Variants in ARNT observed in about 807,000 individuals in gnomAD.
ARNT encodes class E basic helix-loop-helix protein 2.
ARNT carries 30 observed loss-of-function variants against 105.0 expected under a neutral mutation model. The ratio of observed to expected loss-of-function variants is 0.29; its 90% CI spans 0.21 to 0.39. The LOEUF is 0.39. ARNT is among the 10% of genes least tolerant of loss of function. The pLI is 1.00. For missense variants in ARNT, 748 were observed against 978.7 expected, an observed-to-expected ratio of 0.76 and a Z score of 3.15; for synonymous variants, 304 against 344.0, an observed-to-expected ratio of 0.88 and a Z score of 1.29.
At chr1:150,820,468 G>C (rs1656810994) in intron 14 of ARNT, among the ~76,000 whole-genome samples, 1 of 152,098 alleles carries the variant, frequency 6.6e-6, no homozygotes, top group African/African-American at 2.4e-5. Context: ...ACCAGACTCT[G>C]CAACATGGAA....
chr1:150,829,034 T>C, intron 12 of ARNT, 59 bp downstream of exon 12: 2 of 1,587,526 alleles, frequency 1.3e-6, no homozygotes, highest in Non-Finnish European at 8.6e-7. Context: ...ACTACATGAT[T>C]ACATAATGTC....
Position 150,834,577 on chromosome 1 carries a change from A to G in ARNT, c.764T>C (p.Met255Thr). The G allele has an allele frequency of 8.1e-6, 13 of 1,614,072 alleles. No individual in the cohort carries two copies. The highest frequency in any genetic ancestry group is 9.3e-6 in the Non-Finnish European group (11 of 1,179,970). ...AAACGATCTCCTTGAGCCCATACACATTCTCATGGAAGACTGCTGACCTTC... is the reference window on the plus strand; with the variant it reads ...AAACGATCTCCTTGAGCCCATACACGTTCTCATGGAAGACTGCTGACCTTC... ...KKEGQQSSMRMCMGSRRSFIC... is the reference protein window; with the variant it reads ...KKEGQQSSMRTCMGSRRSFIC... Residue 255 changes from methionine to threonine, a missense_variant, in exon 8 of 22, where the codon ATG becomes ACG. By Grantham distance (81) the Met-to-Thr change is moderately conservative. Around this residue, in one of 4 missense-constraint regions of ARNT, gnomAD observed 291 missense variants for 444.6 expected, o/e 0.65. Transcript: ENST00000358595.
At chr1:150,855,519 A>G (rs113265287) in intron 2 of ARNT, among the ~76,000 whole-genome samples, 7,726 of 152,098 alleles carry the variant, frequency 0.051, 670 homozygotes, top group African/African-American at 0.18. Flanking sequence ...CCAAGATCGC[A>G]TCACCGCACT....
At chr1:150,832,164 A>G (rs1043715006) in intron 9 of ARNT, among the ~76,000 whole-genome samples, 170 bp downstream of exon 9, 1 of 152,224 alleles carries the variant, frequency 6.6e-6, no homozygotes, top group Non-Finnish European at 1.5e-5. Context: ...TTAGAAGTTT[A>G]GGAAAATATT....
chr1:150,809,918 G>A lies in ARNT; in HGVS notation c.*2103C>T, dbSNP rs1654425170. 4.5e-6 allele frequency: 1 copy of A among 224,216 alleles called. No individual in the cohort carries two copies. The highest frequency in any genetic ancestry group is 8.9e-6 in the Non-Finnish European group (1 of 112,052). The allele number at this position is 224,216 out of a possible 1,614,324, so 13.9% of individuals were successfully genotyped here. A position where few individuals can be genotyped will look rare whatever the true frequency, so the allele number is the denominator to read the frequency against. On this transcript the variant is annotated 3_prime_UTR_variant, in exon 22 of 22. Transcript: ENST00000358595. ...GATCAGGAGGACAAGTGAGGGGGGA[G>A]GCGTGCAATGTGATCAGAACCCTAT...
At position 150,816,425 on chromosome 1, in the gene ARNT, G is replaced by C; in HGVS notation, c.1803-19C>G. On this transcript the variant is annotated intron_variant, in intron 18 of 21. Coordinates refer to ENST00000358595, the MANE Select transcript of ARNT (RefSeq NM_001668.4). ...ACTATTCCTAGGAGTGAATAAATGAGGTAAAAGATTAAAAGGATAGATTTA... is the reference window on the plus strand; with the variant it reads ...ACTATTCCTAGGAGTGAATAAATGACGTAAAAGATTAAAAGGATAGATTTA... The C allele has an allele frequency of 6.3e-7, 1 of 1,596,512 alleles. No homozygotes were observed. Among genetic ancestry groups the C allele is most frequent in the South Asian group, 1.1e-5 (1 of 88,580 alleles).
intron 5 of ARNT, among the ~76,000 whole-genome samples, chr1:150,841,093 C>T (rs1369498567): frequency 4.0e-5 from 6 of 150,486 alleles, no homozygotes; most frequent in East Asian, 3.9e-4. Context: ...GGACTACAGG[C>T]GCACACCACC....
At chr1:150,844,163 T>C (rs587729448) in intron 4 of ARNT, among the ~76,000 whole-genome samples, 1 of 152,352 alleles carries the variant, frequency 6.6e-6, no homozygotes, top group South Asian at 2.1e-4. Context: ...ATTTTAGAGA[T>C]GGTTCACATC....
At chr1:150,817,273 T>C (rs1406894383) in intron 16 of ARNT, 71 bp from the exon 17 acceptor site, 4 of 1,611,512 alleles carry the variant, frequency 2.5e-6, no homozygotes, top group Non-Finnish European at 3.4e-6. Flanking sequence ...AAAATTCATA[T>C]ACAACATATG....
intron 1 of ARNT, among the ~76,000 whole-genome samples, chr1:150,870,637 A>G (rs149730284): frequency 1.8e-4 from 27 of 152,182 alleles, no homozygotes; most frequent in African/African-American, 6.5e-4. Context: ...TCTCCCACGT[A>G]GCTGGGACTA....
intron 1 of ARNT, among the ~76,000 whole-genome samples, chr1:150,864,918 A>G (rs1666311036): frequency 1.3e-5 from 2 of 150,320 alleles, no homozygotes; most frequent in Admixed American, 6.6e-5. Context: ...AAAGACCTAT[A>G]AAAGGTAAGA....
chr1:150,812,291 C>T (rs1184671219), intron 21 of ARNT, among the ~76,000 whole-genome samples, 181 bp from the exon 22 acceptor site: 1 of 152,130 alleles, frequency 6.6e-6, no homozygotes, highest in Non-Finnish European at 1.5e-5. Context: ...TTTTCCTAAT[C>T]CCTTCTGTCT....
intron 9 of ARNT, 41 bp from the exon 10 acceptor site, chr1:150,831,944 T>G: frequency 2.4e-6 from 3 of 1,233,908 alleles, no homozygotes; most frequent in Non-Finnish European, 3.5e-6. Context: ...AAAAAAAATC[T>G]ACCCGTAAAA....
Position 150,826,606 on chromosome 1 carries a change from T to C in ARNT, c.1179A>G (p.Gly393=). ...TVGYQPQELL[G]KNIVEFCHPE... ...GATGACAGAATTCTACAATATTCTT[T>C]CCTAAGAGTTCCTAGAATACAGAAA... The change falls in exon 13 of 22, where the codon GGA becomes GGG. Residue 393 remains glycine, a synonymous_variant. Transcript: ENST00000358595. The C allele has an allele frequency of 6.2e-7, 1 of 1,610,280 alleles. No homozygotes were observed.
At position 150,817,347 on chromosome 1, in the gene ARNT, A is replaced by T; in HGVS notation, c.1578+14T>A. 1 of 1,614,094 alleles carries T rather than the reference A, an allele frequency of 6.2e-7. No homozygotes were observed. Among genetic ancestry groups the T allele is most frequent in the Non-Finnish European group, 8.5e-7 (1 of 1,179,962 alleles). ...ATACTCCCTACCCTCTTCAACGAAG[A>T]GGACACAACTCACCTGGGAATGATT... is the stretch of plus-strand genomic sequence containing the variant. On this transcript the variant is annotated intron_variant, in intron 16 of 21. Transcript: ENST00000358595.
At chr1:150,836,622 T>C (rs1660376046) in intron 6 of ARNT, 129 bp from the exon 7 acceptor site, 1 of 901,940 alleles carries the variant, frequency 1.1e-6, no homozygotes. Context: ...TCACACCTGA[T>C]CCACAGCCAC....
At chr1:150,864,597 C>T (rs1363163768) in intron 1 of ARNT, among the ~76,000 whole-genome samples, 1 of 108,112 alleles carries the variant, frequency 9.2e-6, no homozygotes, top group Non-Finnish European at 1.7e-5. Flanking sequence ...GAATATCACA[C>T]TCTGGGGACT....
chr1:150,847,276 C>G (rs1357822314), intron 3 of ARNT, among the ~76,000 whole-genome samples: 3 of 151,998 alleles, frequency 2.0e-5, no homozygotes, highest in Non-Finnish European at 4.4e-5. Context: ...ACTAAAAATA[C>G]AAAAATTAGC....
At chr1:150,812,845 TC>T (rs1655005345) in intron 21 of ARNT, 2 of 229,426 alleles carry the variant, frequency 8.7e-6, no homozygotes, top group African/African-American at 2.3e-5. Flanking sequence ...ATGGTATGTA[TC>T]ACACTCAATT....
Sources: allele counts gnomAD v4.1 joint callset (sites outside exome capture counted in the v4.1 genomes callset), GRCh38; gene constraint gnomAD v4.1.1; regional missense constraint gnomAD v4.1.1; transcripts MANE v1.5; gene names NCBI Gene and HGNC (gene_info 2026-07-23, HGNC 2026-07-21).